Variants in ALG14 observed in about 807,000 individuals in gnomAD.
ALG14 encodes the protein UDP-N-acetylglucosamine transferase subunit ALG14.
In ALG14, 17 loss-of-function variants were observed where a neutral mutation model predicts 22.8. That is an observed-to-expected ratio of 0.75 (90% CI 0.51 to 1.12). ALG14 has a LOEUF of 1.12. Among genes scored for constraint, ALG14 ranks in the 50% most tolerant of loss-of-function variants. The pLI is 0.00. For synonymous variants in ALG14, 89 were observed against 103.7 expected (o/e 0.86, Z 0.86); for missense variants, 288 against 271.8 (o/e 1.06, Z -0.42).
chr1:95,026,198 C>T (rs1182966698), intron 3 of ALG14, among the ~76,000 whole-genome samples: 1 of 152,152 alleles, frequency 6.6e-6, no homozygotes, highest in Non-Finnish European at 1.5e-5. Context: ...TCCCAAAGGG[C>T]TGGGATTACA....
At chr1:95,033,787 C>T (rs78321155) in intron 2 of ALG14, among the ~76,000 whole-genome samples, 1 of 152,254 alleles carries the variant, frequency 6.6e-6, no homozygotes, top group African/African-American at 2.4e-5. Flanking sequence ...TCATTACCAT[C>T]TCTCACCTTG....
At chr1:95,038,386 G>A (rs1400675401) in intron 2 of ALG14, among the ~76,000 whole-genome samples, 4 of 152,172 alleles carry the variant, frequency 2.6e-5, no homozygotes, top group African/African-American at 9.7e-5. Context: ...CTACTTGGGA[G>A]GCTGAGGCAG....
chr1:95,042,689 T>C (rs1210225102), intron 2 of ALG14, among the ~76,000 whole-genome samples: 1 of 152,258 alleles, frequency 6.6e-6, no homozygotes, highest in Non-Finnish European at 1.5e-5. Context: ...ATTCCTTTTC[T>C]TGTTCTTTCT....
At chr1:95,047,319 G>A (rs1674595043) in intron 2 of ALG14, among the ~76,000 whole-genome samples, 1 of 152,094 alleles carries the variant, frequency 6.6e-6, no homozygotes, top group Non-Finnish European at 1.5e-5. Flanking sequence ...ATAGTGACAG[G>A]AAACTTTCAC....
At chr1:95,041,007 G>A (rs1674359764) in intron 2 of ALG14, among the ~76,000 whole-genome samples, 1 of 152,156 alleles carries the variant, frequency 6.6e-6, no homozygotes, top group Non-Finnish European at 1.5e-5. Flanking sequence ...TGAGATTTGG[G>A]GAGGAATTTA....
intron 3 of ALG14, among the ~76,000 whole-genome samples, chr1:94,985,409 C>T (rs1338899150): frequency 1.3e-5 from 2 of 152,204 alleles, no homozygotes; most frequent in African/African-American, 4.8e-5. Flanking sequence ...ATCAAGACAA[C>T]CAAGAATGAC....
In ALG14 at chr1:95,000,284, C is replaced by A. The variant is rs1360256549; in HGVS notation, c.421-16978G>T. On this transcript the variant is annotated intron_variant, in intron 3 of 3. Transcript: ENST00000370205. ...GGCGCAGTGGCTCATGCTTGTAATA[C>A]CAGCACTTTGGGAGGGCAAGGTGGG... is the stretch of plus-strand genomic sequence containing the variant. Among the ~76,000 whole-genome samples, 3 of 151,860 alleles carry A rather than the reference C, an allele frequency of 2.0e-5. No homozygotes were observed. The East Asian group carries it at 5.8e-4, about 29-fold the overall frequency.
At chr1:95,023,287 C>T (rs1413390514) in intron 3 of ALG14, among the ~76,000 whole-genome samples, 1 of 152,106 alleles carries the variant, frequency 6.6e-6, no homozygotes, top group Admixed American at 6.6e-5. Flanking sequence ...TCATGCTTGG[C>T]TAATTTTTGT....
chr1:95,030,352 A>G (rs1037138837), intron 2 of ALG14, among the ~76,000 whole-genome samples: 1 of 151,950 alleles, frequency 6.6e-6, no homozygotes, highest in Admixed American at 6.6e-5. Context: ...AGGATTTCAG[A>G]CTAAGGGACT....
chr1:94,986,768 G>GC (rs763395880), intron 3 of ALG14, among the ~76,000 whole-genome samples: 7 of 146,392 alleles, frequency 4.8e-5, no homozygotes, highest in Non-Finnish European at 7.5e-5. Context: ...ACTGCGCCTG[G>GC]CCCTTTTTTT....
chr1:95,011,438 T>A (rs1166182013), intron 3 of ALG14, among the ~76,000 whole-genome samples: 1 of 151,882 alleles, frequency 6.6e-6, no homozygotes, highest in Non-Finnish European at 1.5e-5. Flanking sequence ...TTCTTTTTTT[T>A]TTTTTGAGAC....
chr1:94,993,816 G>C (rs1272724470), intron 3 of ALG14, among the ~76,000 whole-genome samples: 1 of 152,192 alleles, frequency 6.6e-6, no homozygotes, highest in Non-Finnish European at 1.5e-5. Context: ...CCAGACATCA[G>C]GCTCCAAAAT....
chr1:95,068,621 A>G (rs1000824989), intron 1 of ALG14, among the ~76,000 whole-genome samples: 10 of 152,306 alleles, frequency 6.6e-5, no homozygotes, highest in African/African-American at 2.4e-4. Flanking sequence ...TCTAAAGAGT[A>G]AATGTCGCTT....
chr1:95,004,809 T>G (rs553039649), intron 3 of ALG14, among the ~76,000 whole-genome samples: 1 of 146,920 alleles, frequency 6.8e-6, no homozygotes, highest in South Asian at 2.1e-4. Context: ...CCCCGCCTTT[T>G]TATTTTTATT....
At chr1:94,996,658 C>A (rs147370897) in intron 3 of ALG14, among the ~76,000 whole-genome samples, 1 of 152,120 alleles carries the variant, frequency 6.6e-6, no homozygotes, top group African/African-American at 2.4e-5. Context: ...AGTTAGTTCC[C>A]TAATAATCTG....
chr1:95,004,884 C>A (rs1407361577), intron 3 of ALG14, among the ~76,000 whole-genome samples: 1 of 150,170 alleles, frequency 6.7e-6, no homozygotes, highest in Non-Finnish European at 1.5e-5. Flanking sequence ...CAACTCACTG[C>A]AACCTCCACC....
intron 3 of ALG14, among the ~76,000 whole-genome samples, chr1:95,025,744 T>C (rs1007154357): frequency 2.6e-5 from 4 of 152,196 alleles, no homozygotes; most frequent in African/African-American, 9.7e-5. Context: ...CCTTCAAACT[T>C]TTCTTCTGCA....
At chr1:95,003,905 A>T (rs927485112) in intron 3 of ALG14, among the ~76,000 whole-genome samples, 8 of 152,252 alleles carry the variant, frequency 5.3e-5, no homozygotes, top group African/African-American at 1.9e-4. Context: ...CAATCACAAA[A>T]CCTCAGAATT....
chr1:94,983,350 A>C, intron 3 of ALG14, 44 bp from the exon 4 acceptor site: 6 of 1,521,484 alleles, frequency 3.9e-6, no homozygotes, highest in Non-Finnish European at 5.4e-6. Flanking sequence ...CAGAATAATA[A>C]TCTAAGGGAG....
Sources: gnomAD v4.1 joint callset for allele counts (sites outside exome capture counted in the v4.1 genomes callset) on GRCh38, gnomAD v4.1.1 for gene constraint, MANE v1.5 for transcripts, NCBI Gene and HGNC (gene_info 2026-07-23, HGNC 2026-07-21) for gene names.